The following TDRD12 variants were observed in gnomAD, a reference collection of about 807,000 sequenced individuals.
TDRD12 encodes the protein tudor domain containing 12.
TDRD12 carries 158 observed loss-of-function variants against 133.5 expected under a neutral mutation model. That is an observed-to-expected ratio of 1.18 (90% CI 1.04 to 1.35). The LOEUF (loss-of-function observed/expected upper bound fraction) is 1.35, where lower values mean the gene tolerates loss of function less well. Among genes scored for constraint, TDRD12 ranks in the 40% most tolerant of loss-of-function variants. The pLI is 0.00. For synonymous variants in TDRD12, 460 were observed against 477.9 expected, an observed-to-expected ratio of 0.96 and a Z score of 0.49; for missense variants, 1,443 against 1,321.3, an observed-to-expected ratio of 1.09 and a Z score of -1.43.
At position 32,810,078 on chromosome 19, in the gene TDRD12, C is replaced by T; in HGVS notation, c.2653-15C>T. 1 of 1,474,200 alleles carries T rather than the reference C, an allele frequency of 6.8e-7. No individual in the cohort carries two copies. The highest frequency in any genetic ancestry group is 9.0e-7 in the Non-Finnish European group (1 of 1,105,428). The allele number at this position is 1,474,200 out of a possible 1,614,324, so 91.3% of individuals were successfully genotyped here. ...TAAGTTTGTTTCTTGGTCATGTTTA[C>T]TATATATGTTTCAGATAATACCTTT... On this transcript the variant is annotated splice_polypyrimidine_tract_variant and intron_variant, in intron 22 of 27. Coordinates refer to ENST00000444215, the Ensembl canonical transcript of TDRD12.
chr19:32,752,601 T>C (rs1211325665), intron 6 of TDRD12, among the ~76,000 whole-genome samples: 2 of 152,184 alleles, frequency 1.3e-5, no homozygotes, highest in African/African-American at 4.8e-5. Flanking sequence ...TGGGGAGTTA[T>C]AATCTATAAC....
intron 6 of TDRD12, among the ~76,000 whole-genome samples, chr19:32,751,194 A>AGTT (rs1217140528): frequency 5.3e-5 from 8 of 150,118 alleles, no homozygotes. Context: ...ATAAGCGAGA[A>AGTT]CATGCAGTGT....
chr19:32,731,318 G>A (rs559715334), intron 1 of TDRD12, among the ~76,000 whole-genome samples: 66 of 152,188 alleles, frequency 4.3e-4, no homozygotes, highest in Non-Finnish European at 8.4e-4. Context: ...ACTTAGGGAG[G>A]CCGAAGTGGG....
chr19:32,818,277 C>G (rs1883425671), intron 27 of TDRD12, 120 bp downstream of exon 27: 2 of 610,448 alleles, frequency 3.3e-6, no homozygotes, highest in Admixed American at 5.6e-5. Context: ...AAGGACTGGG[C>G]TGTGAGTTCC....
chr19:32,827,381 T>C (rs112635747), exon 10 of TDRD12: 4,400 of 409,492 alleles, frequency 0.011, 1 homozygote, highest in East Asian at 0.038. Context: ...TCTTTTTTTT[T>C]TTTTTTTTTT....
At chr19:32,779,753 C>T (rs556711666) in intron 11 of TDRD12, among the ~76,000 whole-genome samples, 2 of 152,202 alleles carry the variant, frequency 1.3e-5, no homozygotes, top group African/African-American at 4.8e-5. Context: ...TGTTGACCCT[C>T]GCAGCATTAT....
At chr19:32,805,732 T>C (rs949151699) in intron 21 of TDRD12, among the ~76,000 whole-genome samples, 3 of 142,784 alleles carry the variant, frequency 2.1e-5, no homozygotes, top group Non-Finnish European at 4.6e-5. Flanking sequence ...TTTTTATCTT[T>C]TTTTTTTTTT....
intron 1 of TDRD12, among the ~76,000 whole-genome samples, chr19:32,729,017 T>G (rs1252010544): frequency 6.7e-6 from 1 of 150,362 alleles, no homozygotes. Context: ...TATCTATACA[T>G]GTATAAATAG....
chr19:32,730,067 G>A (rs12981545), intron 1 of TDRD12, among the ~76,000 whole-genome samples: 26,813 of 151,940 alleles, frequency 0.18, 2,482 homozygotes, highest in African/African-American at 0.21. Context: ...TGGGATTACA[G>A]GTGTGAGCCA....
intron 2 of TDRD12, among the ~76,000 whole-genome samples, chr19:32,737,856 G>A (rs1328748899): frequency 2.0e-5 from 3 of 152,202 alleles, no homozygotes; most frequent in African/African-American, 7.2e-5. Context: ...GGGGAGGCTG[G>A]GTGCGGTGGC....
chr19:32,777,772 G>GC (rs200225065), intron 11 of TDRD12, among the ~76,000 whole-genome samples: 14,079 of 127,802 alleles, frequency 0.11, 1,011 homozygotes, highest in Middle Eastern at 0.21. Flanking sequence ...AGCCTCCCAA[G>GC]TAGCTGGGAC....
intron 3 of TDRD12, among the ~76,000 whole-genome samples, chr19:32,739,254 G>A (rs1342808124): frequency 1.3e-5 from 2 of 152,116 alleles, no homozygotes; most frequent in African/African-American, 2.4e-5. Flanking sequence ...GGTTCAGATG[G>A]TGTTCTTTGC....
At chr19:32,809,893 A>G (rs960249401) in intron 22 of TDRD12, among the ~76,000 whole-genome samples, 200 bp from the exon 23 acceptor site, 14 of 152,272 alleles carry the variant, frequency 9.2e-5, no homozygotes, top group African/African-American at 3.4e-4. Flanking sequence ...TTAGATTTAA[A>G]GTGAAACTAA....
chr19:32,811,104 T>C lies in TDRD12; in HGVS notation c.2838-106T>C, dbSNP rs1966986594. ...TTATTTCTAGTATAGAGTAAAATCATGGCGTTTTGGAGTCTTTTTATATGT... is the reference window on the plus strand; with the variant it reads ...TTATTTCTAGTATAGAGTAAAATCACGGCGTTTTGGAGTCTTTTTATATGT... On this transcript the variant is annotated intron_variant, in intron 23 of 27. Transcript: ENST00000444215. 6 of 859,942 alleles carry C rather than the reference T, an allele frequency of 7.0e-6. No individual in the cohort carries two copies. In the Admixed American group the frequency reaches 1.4e-4, roughly 20 times the overall value. The allele number at this position is 859,942 out of a possible 1,614,324, so 53.3% of individuals were successfully genotyped here.
intron 26 of TDRD12, among the ~76,000 whole-genome samples, chr19:32,817,048 A>G (rs2145745775): frequency 6.6e-6 from 1 of 152,312 alleles, no homozygotes; most frequent in East Asian, 1.9e-4. Context: ...GGGCTTCCCA[A>G]AACTTGACCA....
intron 2 of TDRD12, among the ~76,000 whole-genome samples, chr19:32,737,010 TA>T (rs11364122): frequency 0.58 from 88,878 of 152,028 alleles, 26,823 homozygotes; most frequent in East Asian, 0.82. Context: ...TCAGGACACT[TA>T]ACATTAGCTT....
At chr19:32,797,042 T>A (rs963916291) in intron 14 of TDRD12, among the ~76,000 whole-genome samples, 2 of 150,068 alleles carry the variant, frequency 1.3e-5, no homozygotes, top group African/African-American at 4.9e-5. Context: ...GTGCAGTGGC[T>A]CCATCTCGGC....
intron 10 of TDRD12, 99 bp downstream of exon 10, chr19:32,773,631 G>A (rs1599566414): frequency 1.1e-5 from 11 of 1,002,206 alleles, no homozygotes; most frequent in Admixed American, 6.1e-5. Context: ...CCAGGAGGTC[G>A]AGGCTTCAGT....
rs1404194842 is a variant in TDRD12, at chr19:32,817,839, G to T, written c.3315-250G>T. On this transcript the variant is annotated intron_variant, in intron 26 of 27. Transcript: ENST00000444215. ...CTGTGCGCTTGTGCAATTCTAAATG[G>T]CCCGTACACACGACTGCTTTTGAAC... is the stretch of plus-strand genomic sequence containing the variant. Among the ~76,000 whole-genome samples the T allele has an allele frequency of 4.0e-5, 6 of 149,760 alleles. No individual in the cohort carries two copies. The East Asian group carries it at 7.8e-4, about 20-fold the overall frequency.
Sources: allele counts gnomAD v4.1 joint callset (sites outside exome capture counted in the v4.1 genomes callset), GRCh38; gene constraint gnomAD v4.1.1; transcripts MANE v1.5; gene names NCBI Gene and HGNC (gene_info 2026-07-23, HGNC 2026-07-21).